Variants in PTPRA observed in about 807,000 individuals in gnomAD.
PTPRA encodes protein tyrosine phosphatase receptor type A, also known as receptor-type tyrosine-protein phosphatase alpha.
In PTPRA, 25 loss-of-function variants were observed where a neutral mutation model predicts 104.8. That is an observed-to-expected ratio of 0.24 (90% CI 0.17 to 0.33). The LOEUF (loss-of-function observed/expected upper bound fraction) is 0.33. PTPRA is among the 10% of genes least tolerant of loss of function. The probability of loss-of-function intolerance (pLI) is 1.00; values close to 1 mark genes in which losing one functional copy is unlikely to be tolerated. For synonymous variants in PTPRA, 323 were observed against 368.9 expected (o/e 0.88, Z 1.43); for missense variants, 765 against 1,015.3 (o/e 0.75, Z 3.35).
At chr20:2,922,924 C>T (rs73606188) in intron 1 of PTPRA, among the ~76,000 whole-genome samples, 4 of 152,204 alleles carry the variant, frequency 2.6e-5, no homozygotes, top group Non-Finnish European at 2.9e-5. Context: ...CATGAGCCAC[C>T]GCTCCTGGCT....
At chr20:2,955,748 T>C (rs1045104805) in intron 3 of PTPRA, 4 of 852,210 alleles carry the variant, frequency 4.7e-6, no homozygotes, top group Admixed American at 6.2e-5. Context: ...CTGCCTACTG[T>C]GTTTCTCAGA....
At chr20:2,963,867 C>T (rs556850605) in intron 3 of PTPRA, among the ~76,000 whole-genome samples, 127 of 151,956 alleles carry the variant, frequency 8.4e-4, no homozygotes, top group African/African-American at 2.7e-3. Context: ...AGTGAGACGC[C>T]GTCTCTACAG....
intron 13 of PTPRA, among the ~76,000 whole-genome samples, chr20:3,020,961 G>A (rs2064838614): frequency 6.6e-6 from 1 of 152,236 alleles, no homozygotes; most frequent in South Asian, 2.1e-4. Flanking sequence ...GTTCAAACAG[G>A]CTTTCTCCTA....
intron 6 of PTPRA, among the ~76,000 whole-genome samples, chr20:2,980,159 G>A (rs1160613747): frequency 6.9e-6 from 1 of 144,890 alleles, no homozygotes; most frequent in Non-Finnish European, 1.5e-5. Context: ...TGATCTGCCT[G>A]CCTCGGCCTC....
At chr20:2,939,721 C>T (rs539722139) in intron 2 of PTPRA, among the ~76,000 whole-genome samples, 3 of 152,292 alleles carry the variant, frequency 2.0e-5, no homozygotes, top group South Asian at 2.1e-4. Context: ...CCTCATGTCC[C>T]CTGGTCCCTA....
rs2148543673 is a variant in PTPRA at position 3,038,188 on chromosome 20, C to CTGT, written c.*57_*59dup. The CTGT allele has an allele frequency of 6.6e-7, 1 of 1,505,518 alleles. No homozygotes were observed. Among genetic ancestry groups the CTGT allele is most frequent in the East Asian group, 2.3e-5 (1 of 44,306 alleles). 93.3% of individuals were successfully genotyped at this position (1,505,518 alleles called of 1,614,324 possible). ...ATTGCCTTTAATATTTTGTAATATT[C>CTGT]TGTTTTGTTAATATACCCCAAATTG... is the stretch of plus-strand genomic sequence containing the variant. On this transcript the variant is annotated 3_prime_UTR_variant, in exon 24 of 24. Transcript: ENST00000399903.
intron 6 of PTPRA, 27 bp downstream of exon 6, chr20:2,975,268 T>C (rs1215332323): frequency 6.4e-7 from 1 of 1,572,822 alleles, no homozygotes; most frequent in Admixed American, 1.7e-5. Context: ...ATATCTGTTG[T>C]TCCTTTTACA....
intron 1 of PTPRA, among the ~76,000 whole-genome samples, chr20:2,895,407 G>T (rs994448390): frequency 5.9e-5 from 9 of 152,108 alleles, no homozygotes; most frequent in Admixed American, 4.6e-4. Context: ...TTTAGACCCA[G>T]CTGAAATATC....
At chr20:2,880,017 A>G (rs928581664) in intron 1 of PTPRA, among the ~76,000 whole-genome samples, 7 of 152,220 alleles carry the variant, frequency 4.6e-5, no homozygotes, top group Non-Finnish European at 7.3e-5. Context: ...CTTGAGAACT[A>G]GAGACTAAGG....
chr20:2,908,327 G>A (rs1478912396), intron 1 of PTPRA, among the ~76,000 whole-genome samples: 2 of 152,094 alleles, frequency 1.3e-5, no homozygotes, highest in Non-Finnish European at 2.9e-5. Context: ...CCAATTATAT[G>A]AGAATTTTTT....
intron 1 of PTPRA, among the ~76,000 whole-genome samples, chr20:2,899,704 T>C (rs931005216): frequency 2.0e-5 from 3 of 152,246 alleles, no homozygotes; most frequent in African/African-American, 7.2e-5. Flanking sequence ...TACATACATA[T>C]ATACATCTGT....
At chr20:2,905,690 C>CTTTTTTTTTTTTTTTTTT (rs11479039) in intron 1 of PTPRA, among the ~76,000 whole-genome samples, 2 of 70,634 alleles carry the variant, frequency 2.8e-5, no homozygotes, top group African/African-American at 5.5e-5. Flanking sequence ...TCATAAAATT[C>CTTTTTTTTTTTTTTTTTT]TTTTTTTTTT....
intron 13 of PTPRA, among the ~76,000 whole-genome samples, chr20:3,020,438 T>C (rs111362473): frequency 6.6e-6 from 1 of 152,206 alleles, no homozygotes; most frequent in African/African-American, 2.4e-5. Flanking sequence ...TAGTTCCTTA[T>C]TTCCCTGGTT....
intron 1 of PTPRA, among the ~76,000 whole-genome samples, chr20:2,890,568 G>A (rs572792716): frequency 2.6e-5 from 4 of 152,254 alleles, no homozygotes; most frequent in African/African-American, 9.6e-5. Context: ...TTGATTTGGG[G>A]CACAGTGTAG....
chr20:2,878,377 G>T (rs1234358250), intron 1 of PTPRA, among the ~76,000 whole-genome samples: 1 of 152,042 alleles, frequency 6.6e-6, no homozygotes, highest in Admixed American at 6.6e-5. Context: ...ACCACGACCA[G>T]CTAATTTTTT....
chr20:3,023,341 T>C (rs1275288234), intron 16 of PTPRA, among the ~76,000 whole-genome samples: 1 of 152,080 alleles, frequency 6.6e-6, no homozygotes, highest in Non-Finnish European at 1.5e-5. Context: ...GGGTCTGTGC[T>C]GAGGAGGATT....
intron 17 of PTPRA, among the ~76,000 whole-genome samples, chr20:3,025,549 T>C (rs1402687390): frequency 6.6e-6 from 1 of 151,584 alleles, no homozygotes; most frequent in South Asian, 2.1e-4. Context: ...ATATAGCATG[T>C]GCACAGATTT....
At chr20:2,913,450 G>C (rs1410643133) in intron 1 of PTPRA, among the ~76,000 whole-genome samples, 1 of 152,094 alleles carries the variant, frequency 6.6e-6, no homozygotes, top group African/African-American at 2.4e-5. Flanking sequence ...GGCCCCATTC[G>C]AGTTATTCTA....
In PTPRA at chr20:3,022,359, G is replaced by T; in HGVS notation, c.1328+139G>T. The T allele has an allele frequency of 8.8e-7, 1 of 1,140,650 alleles. No homozygotes were observed. Among genetic ancestry groups the T allele is most frequent in the Non-Finnish European group, 1.2e-6 (1 of 803,168 alleles). 70.7% of individuals were successfully genotyped at this position (1,140,650 alleles called of 1,614,324 possible). A position where few individuals can be genotyped will look rare whatever the true frequency, so the allele number is the denominator to read the frequency against. On this transcript the variant is annotated intron_variant, in intron 15 of 23. Coordinates refer to ENST00000399903, the MANE Select transcript of PTPRA (RefSeq NM_001385305.1). This position sits in a 1 kb window ranked among gnomAD's most constrained non-coding sequence, Gnocchi z 4.6. Reference sequence around the variant, plus strand: ...CTGGGGCACCAGCGCAACAGCCAGAGACTCCAAGTTCTAGTGCAGGGTGGA... The same window carrying T: ...CTGGGGCACCAGCGCAACAGCCAGATACTCCAAGTTCTAGTGCAGGGTGGA...
Sources: gnomAD v4.1 joint callset for allele counts (sites outside exome capture counted in the v4.1 genomes callset) on GRCh38, gnomAD v4.1.1 for gene constraint, Gnocchi (gnomAD v3.1) non-coding constraint, MANE v1.5 for transcripts, NCBI Gene and HGNC (gene_info 2026-07-23, HGNC 2026-07-21) for gene names.